The following ZC3H11A variants were observed in gnomAD, a reference collection of about 807,000 sequenced individuals.
The protein encoded by ZC3H11A is zinc finger CCCH-type containing 11A, also known as zinc finger CCCH domain-containing protein 11A.
Under a neutral mutation model 90.8 loss-of-function variants are expected in ZC3H11A, and 22 were observed. That is an observed-to-expected ratio of 0.24 (90% CI 0.17 to 0.35). ZC3H11A has a LOEUF of 0.35. ZC3H11A is among the 10% of genes least tolerant of loss of function. The pLI, the probability that ZC3H11A is intolerant of heterozygous loss-of-function variation, is 1.00. For missense variants in ZC3H11A, 701 were observed against 964.9 expected (o/e 0.73, Z 3.62); for synonymous variants, 294 against 339.8 (o/e 0.87, Z 1.48).
At chr1:203,816,314 A>G (rs550908341) in intron 2 of ZC3H11A, among the ~76,000 whole-genome samples, 1 of 152,290 alleles carries the variant, frequency 6.6e-6, no homozygotes, top group East Asian at 1.9e-4. Context: ...ATATACATAC[A>G]TATATACATA....
At chr1:203,804,656 T>G (rs1671644334) in intron 2 of ZC3H11A, among the ~76,000 whole-genome samples, 1 of 151,234 alleles carries the variant, frequency 6.6e-6, no homozygotes, top group Non-Finnish European at 1.5e-5. Flanking sequence ...TTCTGGATTT[T>G]TTTCTTTTTT....
In ZC3H11A at chr1:203,840,414, T is replaced by C. The variant is rs753869139; in HGVS notation, c.1042+40T>C. 2.1e-5 allele frequency: 33 copies of C among 1,591,244 alleles called. 1 individual carries two copies. The highest frequency in any genetic ancestry group is 1.1e-4 in the East Asian group (5 of 44,480). ...AGACCAGATTCTGATTATTTTTTTC[T>C]TTGCTGTAAGAGCCTTTGCTTTTTC... On this transcript the variant is annotated intron_variant, in intron 12 of 17. Transcript: ENST00000367210.
rs966161042 is a variant in ZC3H11A at position 203,796,258 on chromosome 1, G to A, written c.-1588+464G>A. On this transcript the variant is annotated intron_variant, in intron 1 of 17. Transcript: ENST00000367210. ...GCCTAAATCAATCAGACTGAGTGCC[G>A]GGCGCTGAATTTACCTACTCTCATT... 46 of 395,004 alleles carry A rather than the reference G, an allele frequency of 1.2e-4. 1 individual carries two copies. The highest frequency in any genetic ancestry group is 1.0e-3 in the Admixed American group (23 of 22,610). 24.5% of individuals were successfully genotyped at this position (395,004 alleles called of 1,614,324 possible). A position where few individuals can be genotyped will look rare whatever the true frequency, so the allele number is the denominator to read the frequency against.
chr1:203,808,242 CTT>C (rs35762392), intron 2 of ZC3H11A, among the ~76,000 whole-genome samples: 19,164 of 152,160 alleles, frequency 0.13, 1,570 homozygotes, highest in East Asian at 0.29. Flanking sequence ...TCATAATCTC[CTT>C]TACATTCTGG....
intron 8 of ZC3H11A, among the ~76,000 whole-genome samples, chr1:203,830,921 C>A (rs1682056066): frequency 6.8e-6 from 1 of 146,012 alleles, no homozygotes; most frequent in Non-Finnish European, 1.5e-5. Context: ...ATTTCCAACC[C>A]CCAATTTTTT....
chr1:203,834,129 C>A lies in ZC3H11A; in HGVS notation c.874+276C>A. 4 of 1,085,246 alleles carry A rather than the reference C, an allele frequency of 3.7e-6. 1 individual carries two copies. The South Asian group carries it at 1.7e-4, about 47-fold the overall frequency. The allele number at this position is 1,085,246 out of a possible 1,614,324, so 67.2% of individuals were successfully genotyped here. A position where few individuals can be genotyped will look rare whatever the true frequency, so the allele number is the denominator to read the frequency against. On this transcript the variant is annotated intron_variant, in intron 10 of 17. Transcript: ENST00000367210. Reference sequence around the variant, plus strand: ...TAAAGAACACCTCTATTTCTCTGAACAAATTTAAATGTGAGTTTTTAGAGG... The same window carrying A: ...TAAAGAACACCTCTATTTCTCTGAAAAAATTTAAATGTGAGTTTTTAGAGG...
In ZC3H11A at chr1:203,824,059, A is replaced by G. The variant is rs545565020; in HGVS notation, c.175-4240A>G. ...TGAGGCGGCTGGATCACCTGAGGTCAGGAGTTTGAGACCAGCTGGCCAACA... is the reference window on the plus strand; with the variant it reads ...TGAGGCGGCTGGATCACCTGAGGTCGGGAGTTTGAGACCAGCTGGCCAACA... On this transcript the variant is annotated intron_variant, in intron 4 of 17. Coordinates refer to ENST00000367210, the MANE Select transcript of ZC3H11A (RefSeq NM_001376342.1). 7.9e-5 allele frequency among the ~76,000 whole-genome samples: 12 copies of G among 152,142 alleles called. No homozygotes were observed. The South Asian group carries it at 2.5e-3, about 32-fold the overall frequency.
At chr1:203,803,346 T>C (rs1558093052) in intron 2 of ZC3H11A, among the ~76,000 whole-genome samples, 1 of 151,950 alleles carries the variant, frequency 6.6e-6, no homozygotes, top group Non-Finnish European at 1.5e-5. Context: ...TGTGCACCAC[T>C]ACACCGGATA....
At position 203,847,421 on chromosome 1, in the gene ZC3H11A, A is replaced by G. The variant is rs548302202; in HGVS notation, c.1280A>G (p.Lys427Arg). ...QQEAERQKSK[K>R]DTTCIKLKID... is the part of the protein sequence containing the mutation. ...GAAGCAGAGAGACAAAAAAGCAAAA[A>G]GGATACAACTTGCATCAAGCTAAAG... Residue 427 changes from lysine to arginine, a missense_variant, in exon 13 of 18, where the codon AAG becomes AGG. Transcript: ENST00000367210. 9.3e-6 allele frequency: 15 copies of G among 1,614,010 alleles called. No homozygotes were observed. In the East Asian group the frequency reaches 1.3e-4, roughly 14 times the overall value.
chr1:203,838,964 A>G (rs372852559), intron 11 of ZC3H11A, among the ~76,000 whole-genome samples: 39,821 of 149,262 alleles, frequency 0.27, 6,170 homozygotes, highest in Middle Eastern at 0.37. Flanking sequence ...CAAAAAAAAA[A>G]AAAAAAAAAA....
At chr1:203,840,417 G>T in intron 12 of ZC3H11A, 43 bp downstream of exon 12, 2 of 1,578,824 alleles carry the variant, frequency 1.3e-6, no homozygotes, top group Non-Finnish European at 1.7e-6. Context: ...TTTTTTCTTT[G>T]CTGTAAGAGC....
chr1:203,800,231 C>T, intron 1 of ZC3H11A: 5 of 1,352,422 alleles, frequency 3.7e-6, no homozygotes, highest in Non-Finnish European at 5.1e-6. Context: ...AGGTTGCCAT[C>T]CAGTATCTAA....
At chr1:203,834,974 C>G (rs1389136476) in intron 10 of ZC3H11A, among the ~76,000 whole-genome samples, 1 of 152,180 alleles carries the variant, frequency 6.6e-6, no homozygotes, top group Admixed American at 6.5e-5. Flanking sequence ...TTTTTTCTGA[C>G]TTCAGAATTT....
At chr1:203,832,484 C>G (rs374487753) in intron 9 of ZC3H11A, among the ~76,000 whole-genome samples, 3 of 152,088 alleles carry the variant, frequency 2.0e-5, no homozygotes, top group Non-Finnish European at 4.4e-5. Context: ...CTTCAGCCTC[C>G]CCAGTAGCTG....
At chr1:203,803,283 C>G (rs1671086373) in intron 2 of ZC3H11A, among the ~76,000 whole-genome samples, 1 of 152,032 alleles carries the variant, frequency 6.6e-6, no homozygotes, top group Non-Finnish European at 1.5e-5. Context: ...CCTCCTCCTC[C>G]CAGGTTCAAG....
At chr1:203,796,735 C>T (rs1334845458) in intron 1 of ZC3H11A, 2 of 339,024 alleles carry the variant, frequency 5.9e-6, no homozygotes, top group Non-Finnish European at 5.3e-6. Context: ...AAAAGCTTCT[C>T]AAGTCTAAAA....
At position 203,803,425 on chromosome 1, in the gene ZC3H11A, A is replaced by G. The variant is rs57164762; in HGVS notation, c.-146+409A>G. The stretch of plus-strand genomic sequence containing the variant: ...AGGCTGGTCTGGAATTCCTGACCTC[A>G]GGTGATCCACCAGCCTCAGCCTCCC... On this transcript the variant is annotated intron_variant, in intron 2 of 17. Transcript: ENST00000367210. 1.8e-3 allele frequency among the ~76,000 whole-genome samples: 279 copies of G among 152,280 alleles called. 7 individuals carry two copies. The East Asian group carries it at 0.043, about 23-fold the overall frequency.
In ZC3H11A at chr1:203,824,125, G is replaced by A. The variant is rs115452042; in HGVS notation, c.175-4174G>A. 7.1e-3 allele frequency among the ~76,000 whole-genome samples: 1,082 copies of A among 151,888 alleles called. 20 individuals carry two copies. The highest frequency in any genetic ancestry group is 0.025 in the African/African-American group (1,040 of 41,422). ...TCTACTCAAATTACAAAAATTAGTC[G>A]GGCGTGGTGACGCAGCCATGTAGTC... On this transcript the variant is annotated intron_variant, in intron 4 of 17. Transcript: ENST00000367210.
chr1:203,805,189 C>T (rs1431148753), intron 2 of ZC3H11A, among the ~76,000 whole-genome samples: 1 of 147,496 alleles, frequency 6.8e-6, no homozygotes, highest in Non-Finnish European at 1.5e-5. Flanking sequence ...GTCGCCCAGG[C>T]TGTGGGGTGA....
Sources: allele counts gnomAD v4.1 joint callset (sites outside exome capture counted in the v4.1 genomes callset), GRCh38; gene constraint gnomAD v4.1.1; transcripts MANE v1.5; gene names NCBI Gene and HGNC (gene_info 2026-07-23, HGNC 2026-07-21).